GAS7: variants seen among roughly 807,000 people sequenced by gnomAD.
The protein encoded by GAS7 is growth arrest specific 7.
GAS7 carries 28 observed loss-of-function variants against 71.1 expected under a neutral mutation model. The ratio of observed to expected loss-of-function variants is 0.39; its 90% confidence interval spans 0.29 to 0.54. The LOEUF (loss-of-function observed/expected upper bound fraction) is 0.54. GAS7 is among the 20% of genes least tolerant of loss of function. The pLI is 0.62. For synonymous variants in GAS7, 258 were observed against 245.8 expected (o/e 1.05, Z -0.46); for missense variants, 436 against 627.8 (o/e 0.69, Z 3.27).
chr17:10,197,301 T>C (rs946739938), intron 1 of GAS7, among the ~76,000 whole-genome samples: 1 of 152,174 alleles, frequency 6.6e-6, no homozygotes, highest in Non-Finnish European at 1.5e-5. Flanking sequence ...TTTACCAGAA[T>C]GTTTAGGAAT....
chr17:9,963,483 G>A (rs2069582663), intron 4 of GAS7, among the ~76,000 whole-genome samples: 1 of 151,934 alleles, frequency 6.6e-6, no homozygotes, highest in Non-Finnish European at 1.5e-5. Context: ...TGGGGGAAGA[G>A]AGAGAGAGAG....
intron 1 of GAS7, among the ~76,000 whole-genome samples, chr17:10,031,021 A>G (rs1210339536): frequency 6.6e-6 from 1 of 152,226 alleles, no homozygotes; most frequent in Non-Finnish European, 1.5e-5. Flanking sequence ...CGAAGTGGCA[A>G]GAGGAAGCCT....
chr17:10,019,118 G>T (rs1259881625), intron 2 of GAS7, among the ~76,000 whole-genome samples: 1 of 152,116 alleles, frequency 6.6e-6, no homozygotes, highest in East Asian at 1.9e-4. Context: ...AACTTCTGGG[G>T]ATCCTGGGGT....
chr17:9,927,027 T>G (rs933114984), intron 9 of GAS7: 1 of 414,562 alleles, frequency 2.4e-6, no homozygotes, highest in Non-Finnish European at 4.3e-6. Flanking sequence ...GCCTTCTGAT[T>G]TCCCCATCTG....
chr17:10,098,697 T>C (rs150827265), intron 1 of GAS7, among the ~76,000 whole-genome samples: 4,725 of 152,262 alleles, frequency 0.031, 227 homozygotes, highest in African/African-American at 0.11. Context: ...CGGTGGCTGA[T>C]GCCTGTAATC....
At chr17:9,957,158 A>G (rs1428086909) in intron 5 of GAS7, among the ~76,000 whole-genome samples, 1 of 152,236 alleles carries the variant, frequency 6.6e-6, no homozygotes, top group Non-Finnish European at 1.5e-5. Context: ...TGTTTACTTA[A>G]AACCTCTGGG....
chr17:9,970,822 A>G (rs981469212), intron 3 of GAS7, among the ~76,000 whole-genome samples: 1 of 152,144 alleles, frequency 6.6e-6, no homozygotes, highest in African/African-American at 2.4e-5. Flanking sequence ...CACTCCCAGC[A>G]TGGACGGTTT....
Position 9,913,691 on chromosome 17 carries a change from A to G in GAS7, c.*3537T>C. 4.3e-6 allele frequency: 1 copy of G among 231,592 alleles called. No individual in the cohort carries two copies. The highest frequency in any genetic ancestry group is 8.5e-6 in the Non-Finnish European group (1 of 117,060). 14.3% of individuals were successfully genotyped at this position (231,592 alleles called of 1,614,324 possible). Reference sequence around the variant, plus strand: ...AGGCCCAGGGTGGTCCCACTGACAGAATCTCAGGGCCGCCATCCCCACGGT... The same window carrying G: ...AGGCCCAGGGTGGTCCCACTGACAGGATCTCAGGGCCGCCATCCCCACGGT... On this transcript the variant is annotated 3_prime_UTR_variant, in exon 14 of 14. Transcript: ENST00000432992.
intron 8 of GAS7, among the ~76,000 whole-genome samples, chr17:9,936,114 C>A (rs906606698): frequency 3.3e-5 from 5 of 152,312 alleles, no homozygotes; most frequent in Admixed American, 6.5e-5. Context: ...GGAATCTCGG[C>A]CCTACCTCAC....
rs1033804186 is a variant in GAS7, at chr17:10,103,932, C to T, written c.184-84035G>A. On this transcript the variant is annotated intron_variant, in intron 1 of 13. Transcript: ENST00000432992. This position sits in a 1 kb window ranked among gnomAD's most constrained non-coding sequence, Gnocchi z 5.5. ...CCTATCCTACCCACATCAGAGCCCA[C>T]GCTCGCAGCCTTCCCTCCCACAACA... Among the ~76,000 whole-genome samples the T allele has an allele frequency of 5.3e-5, 8 of 152,046 alleles. No individual in the cohort carries two copies. Among genetic ancestry groups the T allele is most frequent in the African/African-American group, 1.9e-4 (8 of 41,396 alleles).
At chr17:10,162,015 C>T (rs531721668) in intron 1 of GAS7, among the ~76,000 whole-genome samples, 2 of 140,184 alleles carry the variant, frequency 1.4e-5, no homozygotes, top group South Asian at 4.4e-4. Flanking sequence ...TGCAGTGAGC[C>T]GAGATTGTGC....
chr17:10,091,864 T>A (rs2073585814), intron 1 of GAS7, among the ~76,000 whole-genome samples: 1 of 152,074 alleles, frequency 6.6e-6, no homozygotes, highest in African/African-American at 2.4e-5. Context: ...GTAATTTTTT[T>A]GTAGAGAGAG....
chr17:10,084,778 A>G (rs554243934), intron 1 of GAS7, among the ~76,000 whole-genome samples: 3 of 152,022 alleles, frequency 2.0e-5, no homozygotes, highest in Non-Finnish European at 4.4e-5. Context: ...CTTTCCCTAT[A>G]TCTTAATAGC....
intron 1 of GAS7, among the ~76,000 whole-genome samples, chr17:10,024,478 G>T (rs2072391420): frequency 6.6e-6 from 1 of 152,216 alleles, no homozygotes; most frequent in Non-Finnish European, 1.5e-5. Flanking sequence ...CCGGGGGCTG[G>T]GGACAGACCC....
chr17:10,042,290 G>A (rs1315115417), intron 1 of GAS7, among the ~76,000 whole-genome samples: 6 of 97,192 alleles, frequency 6.2e-5, no homozygotes, highest in South Asian at 6.3e-4. Context: ...GCGAGACTCC[G>A]TCAAAAAAAA....
At chr17:10,164,331 A>G (rs1269256789) in intron 1 of GAS7, among the ~76,000 whole-genome samples, 3 of 151,500 alleles carry the variant, frequency 2.0e-5, no homozygotes, top group African/African-American at 2.4e-5. Flanking sequence ...AGTCCCAGCT[A>G]CTCAGGAGGC....
intron 1 of GAS7, among the ~76,000 whole-genome samples, chr17:10,031,698 G>A (rs1376945341): frequency 5.9e-5 from 9 of 152,210 alleles, no homozygotes. Context: ...AGTTAATAGG[G>A]TTCCAGAGGA....
chr17:10,006,814 G>A (rs780599373), intron 2 of GAS7, among the ~76,000 whole-genome samples: 10 of 152,094 alleles, frequency 6.6e-5, no homozygotes, highest in Non-Finnish European at 8.8e-5. Flanking sequence ...ATATACACAA[G>A]TCAGCCACGC....
intron 5 of GAS7, among the ~76,000 whole-genome samples, chr17:9,954,656 G>T (rs1387257631): frequency 1.3e-5 from 2 of 152,168 alleles, no homozygotes; most frequent in Non-Finnish European, 2.9e-5. Context: ...AGACATTTTT[G>T]GTTGTCACAG....
Sources: allele counts gnomAD v4.1 joint callset (sites outside exome capture counted in the v4.1 genomes callset), GRCh38; gene constraint gnomAD v4.1.1; non-coding constraint Gnocchi (gnomAD v3.1); transcripts MANE v1.5; gene names NCBI Gene and HGNC (gene_info 2026-07-23, HGNC 2026-07-21).